Variants in TENM2 observed in about 807,000 individuals in gnomAD.
TENM2 encodes teneurin-2.
TENM2 carries 52 observed loss-of-function variants against 245.2 expected under a neutral mutation model. That is an observed-to-expected ratio of 0.21 (90% CI 0.17 to 0.27). TENM2 has a LOEUF of 0.27. Ranked by LOEUF, TENM2 falls within the 10% of genes least tolerant of loss-of-function variation. The pLI is 1.00. For synonymous variants in TENM2, 1,363 were observed against 1,438.9 expected (o/e 0.95, Z 1.19); for missense variants, 3,046 against 3,666.8 (o/e 0.83, Z 4.37).
intron 2 of TENM2, among the ~76,000 whole-genome samples, chr5:167,679,477 C>T (rs1409594203): frequency 6.6e-6 from 1 of 152,072 alleles, no homozygotes; most frequent in African/African-American, 2.4e-5. Flanking sequence ...TTTTTATTCA[C>T]TTTAGATTAG....
At chr5:168,124,749 T>A (rs1443130688) in intron 10 of TENM2, 101 bp from the exon 13 acceptor site, 3 of 1,106,672 alleles carry the variant, frequency 2.7e-6, no homozygotes, top group Non-Finnish European at 3.8e-6. Context: ...TGGGAACTGG[T>A]GACCCACTGG....
chr5:167,700,411 G>A (rs534741892), intron 2 of TENM2, among the ~76,000 whole-genome samples: 45 of 152,278 alleles, frequency 3.0e-4, no homozygotes, highest in African/African-American at 1.1e-3. Flanking sequence ...GCATGTTCAG[G>A]TTGTACACTG....
chr5:167,456,580 C>T (rs941471469), intron 2 of TENM2, among the ~76,000 whole-genome samples: 3 of 152,078 alleles, frequency 2.0e-5, no homozygotes, highest in South Asian at 2.1e-4. Context: ...TGTAGACTAG[C>T]TAGAGGTAAC....
intron 9 of TENM2, among the ~76,000 whole-genome samples, chr5:168,115,759 C>T (rs1486402287): frequency 3.3e-5 from 5 of 152,198 alleles, no homozygotes; most frequent in Non-Finnish European, 7.3e-5. Context: ...AATACCTTCA[C>T]TGTTACCTAG....
chr5:168,190,470 C>T (rs1459123386), exon 14 of TENM2: 1 of 1,613,994 alleles, frequency 6.2e-7, no homozygotes, highest in Non-Finnish European at 8.5e-7. Flanking sequence ...CAGTGAAGTC[C>T]TTCTATGACC....
intron 13 of TENM2, among the ~76,000 whole-genome samples, chr5:168,187,926 T>G (rs1379493212): frequency 6.6e-6 from 1 of 152,286 alleles, no homozygotes; most frequent in Non-Finnish European, 1.5e-5. Flanking sequence ...AAAGTGTGCA[T>G]GCCTGCTCAC....
chr5:167,040,773 A>T, the TENM2 span, among the ~76,000 whole-genome samples: 1 of 152,222 alleles, frequency 6.6e-6, no homozygotes, highest in East Asian at 1.9e-4. Flanking sequence ...CTGCCGTTAG[A>T]AGTCTATGCA....
At chr5:167,713,960 A>T (rs571447086) in intron 2 of TENM2, among the ~76,000 whole-genome samples, 38 of 152,292 alleles carry the variant, frequency 2.5e-4, no homozygotes, top group African/African-American at 9.1e-4. Flanking sequence ...TTTCCACAAG[A>T]CCATTGAACA....
intron 2 of TENM2, among the ~76,000 whole-genome samples, chr5:167,800,898 G>T (rs373100456): frequency 1.3e-5 from 2 of 151,746 alleles, no homozygotes; most frequent in African/African-American, 4.8e-5. Context: ...GATATAGCCA[G>T]TAGTCCCAGT....
intron 2 of TENM2, among the ~76,000 whole-genome samples, chr5:167,421,537 T>C (rs1219322978): frequency 1.3e-5 from 2 of 152,056 alleles, no homozygotes; most frequent in Non-Finnish European, 2.9e-5. Flanking sequence ...CTCCAGTGAA[T>C]ATGTGGAGAT....
At chr5:167,593,301 A>G (rs1775996390) in intron 2 of TENM2, among the ~76,000 whole-genome samples, 1 of 152,180 alleles carries the variant, frequency 6.6e-6, no homozygotes, top group Admixed American at 6.5e-5. Flanking sequence ...CTCTCTGTTC[A>G]TTTGTGCTAA....
At chr5:168,120,865 G>A (rs192570201) in intron 10 of TENM2, among the ~76,000 whole-genome samples, 18 of 152,226 alleles carry the variant, frequency 1.2e-4, no homozygotes, top group South Asian at 4.1e-4. Flanking sequence ...CCATCCCTTC[G>A]TTTTTCCTGC....
chr5:167,796,077 G>A (rs1265160780), intron 2 of TENM2, among the ~76,000 whole-genome samples: 2 of 152,146 alleles, frequency 1.3e-5, no homozygotes, highest in Non-Finnish European at 2.9e-5. Flanking sequence ...GTGACCTCCA[G>A]AAACTAGAGA....
chr5:167,151,365 C>A, the TENM2 span, among the ~76,000 whole-genome samples: 1 of 152,040 alleles, frequency 6.6e-6, no homozygotes. Flanking sequence ...GGAGTGCTCT[C>A]CAACATTTCA....
At chr5:167,275,398 A>G in the TENM2 span, among the ~76,000 whole-genome samples, 1 of 152,066 alleles carries the variant, frequency 6.6e-6, no homozygotes, top group Non-Finnish European at 1.5e-5. Context: ...TCTACAAAAA[A>G]TTTTGCTAAG....
the TENM2 span, among the ~76,000 whole-genome samples, chr5:167,206,355 C>T: frequency 2.6e-3 from 399 of 152,274 alleles, no homozygotes; most frequent in Admixed American, 4.2e-3. Context: ...CAGAAAAGCT[C>T]TCATGAGGGG....
At chr5:168,001,931 T>A (rs1297762667) in intron 5 of TENM2, among the ~76,000 whole-genome samples, 1 of 152,240 alleles carries the variant, frequency 6.6e-6, no homozygotes, top group African/African-American at 2.4e-5. Flanking sequence ...ACTTTTTATA[T>A]CATCAGCCTT....
At chr5:167,501,558 C>T (rs1769215438) in intron 2 of TENM2, among the ~76,000 whole-genome samples, 2 of 152,094 alleles carry the variant, frequency 1.3e-5, no homozygotes, top group South Asian at 4.1e-4. Flanking sequence ...TGACTTCTCC[C>T]TCCCTGTCCC....
At chr5:167,036,508 G>A in the TENM2 span, among the ~76,000 whole-genome samples, 2 of 152,056 alleles carry the variant, frequency 1.3e-5, no homozygotes, top group African/African-American at 2.4e-5. Context: ...ATTAAATTAT[G>A]TAATACTAAT....
Sources: gnomAD v4.1 joint callset for allele counts (sites outside exome capture counted in the v4.1 genomes callset) on GRCh38, gnomAD v4.1.1 for gene constraint, MANE v1.5 for transcripts, NCBI Gene and HGNC (gene_info 2026-07-23, HGNC 2026-07-21) for gene names.